Variants in DPP6 observed in about 807,000 individuals in gnomAD.
DPP6 encodes the protein A-type potassium channel modulatory protein DPP6.
Under a neutral mutation model 122.6 loss-of-function variants are expected in DPP6, and 69 were observed. The ratio of observed to expected loss-of-function variants is 0.56; its 90% CI spans 0.46 to 0.69. The LOEUF is 0.69. Among genes scored for constraint, DPP6 ranks in the 30% least tolerant of loss-of-function variants. The pLI, the probability that DPP6 is intolerant of heterozygous loss-of-function variation, is 0.00. For synonymous variants in DPP6, 418 were observed against 433.1 expected, an observed-to-expected ratio of 0.97 and a Z score of 0.43; for missense variants, 928 against 1,116.9, an observed-to-expected ratio of 0.83 and a Z score of 2.41.
intron 16 of DPP6, among the ~76,000 whole-genome samples, chr7:154,810,388 C>T (rs1288135412): frequency 4.6e-5 from 7 of 152,114 alleles, no homozygotes; most frequent in African/African-American, 1.2e-4. Flanking sequence ...ACATGGAGCC[C>T]GTGGTAGATA....
At chr7:153,945,948 ATGTG>A (rs1353114787) in intron 1 of DPP6, among the ~76,000 whole-genome samples, 1 of 152,188 alleles carries the variant, frequency 6.6e-6, no homozygotes, top group East Asian at 1.9e-4. Flanking sequence ...GCACACTGGA[ATGTG>A]TGTGGCCACC....
chr7:154,484,195 C>G (rs749690570), intron 3 of DPP6, among the ~76,000 whole-genome samples: 1 of 152,138 alleles, frequency 6.6e-6, no homozygotes, highest in Non-Finnish European at 1.5e-5. Context: ...ATTCCAGAAG[C>G]AGGGTGAAAG....
intron 1 of DPP6, among the ~76,000 whole-genome samples, chr7:154,419,551 C>T (rs1817286190): frequency 6.6e-6 from 1 of 152,186 alleles, no homozygotes. Context: ...CTGTTGTGCA[C>T]TTCACCAGCG....
intron 1 of DPP6, chr7:154,058,318 G>T (rs1177414738): frequency 2.0e-5 from 3 of 147,168 alleles, no homozygotes; most frequent in African/African-American, 5.0e-5. Context: ...CCCATCGCTG[G>T]GGGCGGAGGC....
At chr7:154,704,192 T>TA (rs2131276751) in intron 7 of DPP6, among the ~76,000 whole-genome samples, 1 of 152,296 alleles carries the variant, frequency 6.6e-6, no homozygotes, top group Non-Finnish European at 1.5e-5. Flanking sequence ...GCAGATGTGA[T>TA]AAAAACAGCA....
chr7:154,678,436 G>A (rs1309420354), intron 7 of DPP6, among the ~76,000 whole-genome samples: 2 of 151,852 alleles, frequency 1.3e-5, no homozygotes, highest in African/African-American at 2.4e-5. Flanking sequence ...CTCTGGGCGC[G>A]CCACCTTTAA....
intron 1 of DPP6, among the ~76,000 whole-genome samples, chr7:154,065,508 T>C (rs2150498258): frequency 6.6e-6 from 1 of 151,664 alleles, no homozygotes; most frequent in African/African-American, 2.4e-5. Context: ...AGTGGAGCTC[T>C]GTCCTCTTTG....
chr7:153,825,119 A>G, the DPP6 span, among the ~76,000 whole-genome samples: 6 of 152,174 alleles, frequency 3.9e-5, no homozygotes, highest in Admixed American at 3.9e-4. Context: ...CAAGAAGCTG[A>G]CAGGTTTTCT....
At chr7:154,827,414 A>G (rs1800245423) in intron 16 of DPP6, among the ~76,000 whole-genome samples, 1 of 151,832 alleles carries the variant, frequency 6.6e-6, no homozygotes, top group African/African-American at 2.4e-5. Flanking sequence ...GCATCTGCAC[A>G]GAGAAGTAGC....
At chr7:154,446,420 CATAATTTATTTT>C in intron 2 of DPP6, 92 bp downstream of exon 2, 1 of 757,442 alleles carries the variant, frequency 1.3e-6, no homozygotes, top group Admixed American at 3.0e-5. Flanking sequence ...CTACCTATTA[CATAATTTATTTT>C]TCCCAAGTTC....
At chr7:154,385,832 G>A (rs975896150) in intron 1 of DPP6, among the ~76,000 whole-genome samples, 2 of 152,152 alleles carry the variant, frequency 1.3e-5, no homozygotes, top group Non-Finnish European at 2.9e-5. Flanking sequence ...GTCCTGAGGG[G>A]TCATTGCTAG....
chr7:153,973,417 A>T (rs1796125078), intron 1 of DPP6, among the ~76,000 whole-genome samples: 1 of 152,196 alleles, frequency 6.6e-6, no homozygotes. Context: ...AATGCGGCCA[A>T]GTAGGCATAA....
intron 1 of DPP6, among the ~76,000 whole-genome samples, chr7:154,118,294 A>G (rs1276078406): frequency 6.7e-6 from 1 of 150,196 alleles, no homozygotes; most frequent in Admixed American, 6.6e-5. Flanking sequence ...CTTCAGCTTC[A>G]TATCTGAGAT....
At chr7:153,975,838 C>T (rs1028195309) in intron 1 of DPP6, among the ~76,000 whole-genome samples, 2 of 152,176 alleles carry the variant, frequency 1.3e-5, no homozygotes, top group Non-Finnish European at 2.9e-5. Flanking sequence ...TGGCTCTAGC[C>T]GTCACTCAAT....
Position 154,799,173 on chromosome 7 carries a change from G to A in DPP6, c.1300-2182G>A, listed in dbSNP as rs11981135. 8.4e-3 allele frequency among the ~76,000 whole-genome samples: 1,285 copies of A among 152,270 alleles called. 17 individuals are homozygous for A. The highest frequency in any genetic ancestry group is 0.029 in the African/African-American group (1,211 of 41,546). On this transcript the variant is annotated intron_variant, in intron 12 of 25. Coordinates refer to ENST00000377770, the MANE Select transcript of DPP6 (RefSeq NM_130797.4). Reference sequence around the variant, plus strand: ...TGCAAGAACAGAGGTGAGTTGTAGCGAGCCTGCTAATTTTGTGTCATCTGA... The same window carrying A: ...TGCAAGAACAGAGGTGAGTTGTAGCAAGCCTGCTAATTTTGTGTCATCTGA...
intron 1 of DPP6, among the ~76,000 whole-genome samples, chr7:153,978,441 T>C (rs1335376370): frequency 6.6e-6 from 1 of 152,236 alleles, no homozygotes; most frequent in Admixed American, 6.5e-5. Context: ...TTGTAGATTC[T>C]GGATATTAGC....
In DPP6 at chr7:154,607,411, A is replaced by T. The variant is rs552556563; in HGVS notation, c.628-30410A>T. On this transcript the variant is annotated intron_variant, in intron 5 of 25. Coordinates refer to ENST00000377770, the MANE Select transcript of DPP6 (RefSeq NM_130797.4). ...CCCGTCTCTACTAAAAATACAAAAA[A>T]TTAGCTGGGCATGGCGGCGGGCGCC... is the stretch of plus-strand genomic sequence containing the variant. 1.7e-4 allele frequency among the ~76,000 whole-genome samples: 20 copies of T among 116,308 alleles called. 4 individuals are homozygous for T. Among genetic ancestry groups the T allele is most frequent in the African/African-American group, 5.4e-4 (20 of 36,722 alleles). The allele number at this position is 116,308 out of a possible 152,430, so 76.3% of individuals were successfully genotyped here. A position where few individuals can be genotyped will look rare whatever the true frequency, so the allele number is the denominator to read the frequency against.
At chr7:154,389,638 G>C (rs544894607) in intron 1 of DPP6, among the ~76,000 whole-genome samples, 22 of 152,080 alleles carry the variant, frequency 1.4e-4, no homozygotes, top group South Asian at 2.1e-4. Context: ...ACAAAGGCAG[G>C]GTTTTTTATT....
At chr7:153,769,459 G>A in the DPP6 span, among the ~76,000 whole-genome samples, 3 of 152,168 alleles carry the variant, frequency 2.0e-5, no homozygotes, top group African/African-American at 7.2e-5. Flanking sequence ...ACATAATGGT[G>A]TGATTTACTA....
Sources: allele counts gnomAD v4.1 joint callset (sites outside exome capture counted in the v4.1 genomes callset), GRCh38; gene constraint gnomAD v4.1.1; transcripts MANE v1.5; gene names NCBI Gene and HGNC (gene_info 2026-07-23, HGNC 2026-07-21).